Variants in SRGAP1 observed in about 807,000 individuals in gnomAD.
The protein encoded by SRGAP1 is SLIT-ROBO Rho GTPase activating protein 1, also known as SLIT-ROBO Rho GTPase-activating protein 1.
Under a neutral mutation model 121.9 loss-of-function variants are expected in SRGAP1, and 43 were observed. The ratio of observed to expected loss-of-function variants is 0.35; its 90% CI spans 0.28 to 0.46. SRGAP1 has a LOEUF of 0.46. SRGAP1 is among the 20% of genes least tolerant of loss of function. The pLI is 1.00. For missense variants in SRGAP1, 1,102 were observed against 1,350.9 expected (o/e 0.82, Z 2.89); for synonymous variants, 447 against 485.4 (o/e 0.92, Z 1.04).
chr12:63,920,881 G>A (rs766636236), intron 1 of SRGAP1, among the ~76,000 whole-genome samples: 4 of 152,116 alleles, frequency 2.6e-5, no homozygotes, highest in African/African-American at 4.8e-5. Flanking sequence ...GTAGGGTTGG[G>A]GAGAAAATGA....
chr12:64,091,338 A>G lies in SRGAP1; in HGVS notation c.1499A>G (p.Asn500Ser), dbSNP rs995753585. 1 of 1,611,574 alleles carries G rather than the reference A, an allele frequency of 6.2e-7. No homozygotes were observed. The highest frequency in any genetic ancestry group is 1.7e-5 in the Admixed American group (1 of 59,930). The part of the protein sequence containing the change: ...HRKSRPRSQY[N>S]TKLFNGDLET... Reference sequence around the variant, plus strand: ...AAGTCCAGGCCCCGCTCACAGTATAATACTAAGTTGTTTAATGGGGATTTG... The same window carrying G: ...AAGTCCAGGCCCCGCTCACAGTATAGTACTAAGTTGTTTAATGGGGATTTG... The change falls in exon 12 of 22, where the codon AAT becomes AGT. Residue 500 changes from asparagine (N) to serine (S), a missense_variant. By Grantham distance (46) the Asn-to-Ser change is conservative. This residue lies in a region of SRGAP1 where 747 missense variants were observed against 929.4 expected (regional missense o/e 0.80). Coordinates refer to ENST00000355086, the MANE Select transcript of SRGAP1 (RefSeq NM_020762.4).
chr12:64,080,292 A>C lies in SRGAP1; in HGVS notation c.1330A>C (p.Arg444=), dbSNP rs371634808. The change falls in exon 10 of 22, where the codon AGA becomes CGA. Residue 444 remains arginine, a synonymous_variant. Coordinates refer to ENST00000355086, the MANE Select transcript of SRGAP1 (RefSeq NM_020762.4). ...TTATTCTTGCCTTTTGCAGAAACTC[A>C]GAGAATATTTGGAAGGCAGTAATCT... is the stretch of plus-strand genomic sequence containing the variant. The part of the protein sequence containing the change: ...ETEQFYFMKL[R]EYLEGSNLIT... 2 of 1,608,322 alleles carry C rather than the reference A, an allele frequency of 1.2e-6. No homozygotes were observed. Among genetic ancestry groups the C allele is most frequent in the African/African-American group, 2.7e-5 (2 of 74,656 alleles).
At chr12:64,060,753 A>G (rs538427419) in intron 6 of SRGAP1, among the ~76,000 whole-genome samples, 23 of 152,306 alleles carry the variant, frequency 1.5e-4, no homozygotes, top group African/African-American at 5.1e-4. Context: ...AATGTTTCAC[A>G]TCCTGGTAGA....
chr12:63,929,958 G>A (rs565555742), intron 1 of SRGAP1, among the ~76,000 whole-genome samples: 3 of 152,180 alleles, frequency 2.0e-5, no homozygotes, highest in African/African-American at 7.2e-5. Context: ...CAACATCACT[G>A]ATCATCAGAG....
chr12:64,086,096 A>T (rs1205511975), intron 10 of SRGAP1, among the ~76,000 whole-genome samples: 1 of 152,220 alleles, frequency 6.6e-6, no homozygotes, highest in African/African-American at 2.4e-5. Context: ...AGAAATCTGA[A>T]TCACTGCATT....
chr12:63,936,352 A>G (rs569535068), intron 1 of SRGAP1, among the ~76,000 whole-genome samples: 4 of 152,272 alleles, frequency 2.6e-5, no homozygotes, highest in Non-Finnish European at 5.9e-5. Context: ...TTCCCTTTCT[A>G]TATTGGAAGA....
At chr12:63,902,805 C>G (rs1039535063) in intron 1 of SRGAP1, among the ~76,000 whole-genome samples, 4 of 152,060 alleles carry the variant, frequency 2.6e-5, no homozygotes, top group African/African-American at 4.8e-5. Flanking sequence ...TGCTCATTTC[C>G]TAGGGTTATA....
At chr12:63,919,690 A>C (rs896196174) in intron 1 of SRGAP1, among the ~76,000 whole-genome samples, 10 of 151,532 alleles carry the variant, frequency 6.6e-5, no homozygotes, top group African/African-American at 2.4e-4. Context: ...CTACTTCCTA[A>C]TTTTTTTCTT....
chr12:63,900,602 C>T (rs1019847624), intron 1 of SRGAP1, among the ~76,000 whole-genome samples: 2 of 151,980 alleles, frequency 1.3e-5, no homozygotes, highest in Admixed American at 6.5e-5. Flanking sequence ...CAGATGAGGC[C>T]AGGAGTTCGA....
rs994977388 is a variant in SRGAP1 at position 63,885,989 on chromosome 12, C to T, written c.67+41106C>T. ...AACTGATCATGGATAATATGTTGTT[C>T]AGGAAATCTGTCTGGCTCATTGGAT... On this transcript the variant is annotated intron_variant, in intron 1 of 21. Coordinates refer to ENST00000355086, the MANE Select transcript of SRGAP1 (RefSeq NM_020762.4). 3.9e-5 allele frequency among the ~76,000 whole-genome samples: 6 copies of T among 152,188 alleles called. No individual in the cohort carries two copies. The East Asian group carries it at 1.2e-3, about 29-fold the overall frequency.
At chr12:64,008,591 T>C (rs1325412219) in intron 3 of SRGAP1, among the ~76,000 whole-genome samples, 1 of 152,144 alleles carries the variant, frequency 6.6e-6, no homozygotes, top group East Asian at 1.9e-4. Flanking sequence ...TTAAAGTGTT[T>C]TTGAAGATGC....
At chr12:63,919,384 T>C (rs1362096051) in intron 1 of SRGAP1, among the ~76,000 whole-genome samples, 1 of 151,960 alleles carries the variant, frequency 6.6e-6, no homozygotes, top group African/African-American at 2.4e-5. Flanking sequence ...TAACTTAACA[T>C]TTAATATATA....
chr12:63,874,891 C>T (rs1041890904), intron 1 of SRGAP1, among the ~76,000 whole-genome samples: 4 of 152,128 alleles, frequency 2.6e-5, no homozygotes, highest in African/African-American at 7.2e-5. Flanking sequence ...TGTTTGTCCT[C>T]TATCCTCTAT....
rs982661170 is a variant in SRGAP1 at position 63,917,030 on chromosome 12, T to A, written c.68-66917T>A. On this transcript the variant is annotated intron_variant, in intron 1 of 21. Transcript: ENST00000355086. ...TCTCACCTTGCTCAGCAAGGTCAGA[T>A]TGCATATAGATTTCATGTGTTCACT... 7.9e-5 allele frequency among the ~76,000 whole-genome samples: 12 copies of A among 152,244 alleles called. No individual in the cohort carries two copies. In the South Asian group the frequency reaches 1.2e-3, roughly 16 times the overall value.
chr12:63,919,523 C>CAT (rs1467516520), intron 1 of SRGAP1, among the ~76,000 whole-genome samples: 58 of 129,332 alleles, frequency 4.5e-4, no homozygotes, highest in African/African-American at 1.7e-3. Context: ...TATATATATA[C>CAT]ACATACACAC....
intron 19 of SRGAP1, 54 bp downstream of exon 19, chr12:64,126,211 A>G (rs2136636344): frequency 1.9e-6 from 3 of 1,569,376 alleles, no homozygotes; most frequent in East Asian, 4.5e-5. Context: ...GACTCCAGCC[A>G]TTGTTCTTAA....
At chr12:64,128,689 C>G (rs2036738542) in intron 21 of SRGAP1, among the ~76,000 whole-genome samples, 1 of 152,152 alleles carries the variant, frequency 6.6e-6, no homozygotes. Context: ...CAAACCCCTA[C>G]TGTATATGAT....
Position 63,844,833 on chromosome 12 carries a change from G to T in SRGAP1, c.17G>T (p.Arg6Leu). The T allele has an allele frequency of 6.2e-7, 1 of 1,614,178 alleles. No individual in the cohort carries two copies. Among genetic ancestry groups the T allele is most frequent in the Non-Finnish European group, 8.5e-7 (1 of 1,180,040 alleles). MSTPS[R>L]FKKDKEIIAE... ...AGCTGGATAATGTCCACCCCGAGCCGATTCAAGAAGGACAAAGAGATCATA... is the reference window on the plus strand; with the variant it reads ...AGCTGGATAATGTCCACCCCGAGCCTATTCAAGAAGGACAAAGAGATCATA... Residue 6 changes from arginine to leucine, a missense_variant, in exon 1 of 22, where the codon CGA (arginine) becomes CTA (leucine). Physicochemically the swap from Arg to Leu is moderately radical, Grantham distance 102 (BLOSUM62 -2). Coordinates refer to ENST00000355086, the MANE Select transcript of SRGAP1 (RefSeq NM_020762.4). The surrounding 1 kb of genome is among the most constrained non-coding windows in gnomAD (Gnocchi z 4.3).
chr12:64,118,323 G>T (rs372796302), intron 18 of SRGAP1, among the ~76,000 whole-genome samples: 1 of 152,126 alleles, frequency 6.6e-6, no homozygotes, highest in South Asian at 2.1e-4. Context: ...AGGCTGGAGT[G>T]CAGTGGCATG....
Sources: allele counts gnomAD v4.1 joint callset (sites outside exome capture counted in the v4.1 genomes callset), GRCh38; gene constraint gnomAD v4.1.1; regional missense constraint gnomAD v4.1.1; non-coding constraint Gnocchi (gnomAD v3.1); transcripts MANE v1.5; gene names NCBI Gene and HGNC (gene_info 2026-07-23, HGNC 2026-07-21).